Variants in DMD observed in about 807,000 individuals in gnomAD.
DMD encodes dystrophin, also known as mutant dystrophin.
DMD carries 63 observed loss-of-function variants against 330.1 expected under a neutral mutation model. That is an observed-to-expected ratio of 0.19 (90% CI 0.16 to 0.24). The LOEUF (loss-of-function observed/expected upper bound fraction) is 0.24, where lower values mean the gene tolerates loss of function less well. Ranked by LOEUF, DMD falls within the 10% of genes least tolerant of loss-of-function variation. The probability of loss-of-function intolerance (pLI) is 1.00; values close to 1 mark genes in which losing one functional copy is unlikely to be tolerated. For missense variants in DMD, 3,344 were observed against 2,684.1 expected (o/e 1.25, Z -5.43); for synonymous variants, 1,223 against 959.8 (o/e 1.27, Z -5.07).
intron 60 of DMD, among the ~76,000 whole-genome samples, chrX:31,357,422 C>T (rs1018187046): frequency 5.6e-5 from 6 of 107,339 alleles, no homozygotes; most frequent in African/African-American, 2.0e-4. Flanking sequence ...TTCATATTAA[C>T]GAATGACTGA....
At chrX:32,425,492 T>C (rs747775398) in intron 29 of DMD, among the ~76,000 whole-genome samples, 1 of 111,700 alleles carries the variant, frequency 9.0e-6, no homozygotes, top group South Asian at 3.7e-4. Context: ...TAAATTTTTA[T>C]TATCCTGAAA....
intron 23 of DMD, 72 bp from the exon 24 acceptor site, chrX:32,464,771 G>A (rs2098395741): frequency 6.6e-6 from 5 of 760,025 alleles, no homozygotes; most frequent in Non-Finnish European, 8.2e-6. Flanking sequence ...ATTGTGTTAT[G>A]TCTAAACACA....
chrX:32,844,717 A>G, intron 4 of DMD, 66 bp downstream of exon 4: 1 of 969,024 alleles, frequency 1.0e-6, no homozygotes, highest in African/African-American at 1.9e-5. Context: ...TTGGGGCCAA[A>G]GCCCTCACTC....
At chrX:32,086,417 T>C (rs754921758) in intron 44 of DMD, among the ~76,000 whole-genome samples, 1 of 112,251 alleles carries the variant, frequency 8.9e-6, no homozygotes, top group South Asian at 3.7e-4. Flanking sequence ...ACGCATATTA[T>C]CTTTAATTCA....
intron 52 of DMD, among the ~76,000 whole-genome samples, chrX:31,724,429 A>T (rs1367773427): frequency 1.8e-5 from 2 of 111,891 alleles, no homozygotes; most frequent in Non-Finnish European, 3.8e-5. Flanking sequence ...ACAGAAGAAC[A>T]TTCTCCCCTT....
chrX:32,702,703 A>G (rs914625970), intron 7 of DMD, among the ~76,000 whole-genome samples: 3 of 111,566 alleles, frequency 2.7e-5, no homozygotes, highest in African/African-American at 6.5e-5. Context: ...CCAGATATAA[A>G]GTGTTCAAGA....
intron 2 of DMD, among the ~76,000 whole-genome samples, chrX:32,901,498 A>G (rs1465431783): frequency 9.0e-6 from 1 of 111,261 alleles, no homozygotes; most frequent in Non-Finnish European, 1.9e-5. Context: ...CAGTTTTTTG[A>G]AACACAAATT....
chrX:31,542,542 G>A (rs1188789038), intron 55 of DMD, among the ~76,000 whole-genome samples: 1 of 111,946 alleles, frequency 8.9e-6, no homozygotes, highest in Non-Finnish European at 1.9e-5. Context: ...TTAATATACT[G>A]CTCAGAACTG....
intron 60 of DMD, among the ~76,000 whole-genome samples, chrX:31,365,130 A>G (rs2059164113): frequency 9.3e-6 from 1 of 107,179 alleles, no homozygotes; most frequent in Admixed American, 1.0e-4. Context: ...TAGATATTAG[A>G]TGCCACAAGG....
In DMD at chrX:32,526,603, T is replaced by G. The variant is rs1355077465; in HGVS notation, c.2169-8472A>C. Among the ~76,000 whole-genome samples the G allele has an allele frequency of 8.1e-5, 9 of 111,672 alleles. No individual in the cohort carries two copies. The East Asian group carries it at 2.2e-3, about 28-fold the overall frequency. Reference sequence around the variant, plus strand: ...CAGACTCAGCCTCATCCAGTTGAATTTCCCATAAAAATGATGTAAATTAGG... The same window carrying G: ...CAGACTCAGCCTCATCCAGTTGAATGTCCCATAAAAATGATGTAAATTAGG... On this transcript the variant is annotated intron_variant, in intron 17 of 78. Transcript: ENST00000357033.
intron 1 of DMD, among the ~76,000 whole-genome samples, chrX:33,312,057 T>C (rs2053857802): frequency 9.0e-6 from 1 of 110,607 alleles, no homozygotes; most frequent in Non-Finnish European, 1.9e-5. Flanking sequence ...ATGACATTTA[T>C]TTAAGAAACA....
At chrX:33,262,350 G>A (rs893859161) in intron 1 of DMD, among the ~76,000 whole-genome samples, 30 of 111,037 alleles carry the variant, frequency 2.7e-4, no homozygotes, top group African/African-American at 9.5e-4. Flanking sequence ...AATATTATAC[G>A]ACAATAAGAG....
At chrX:32,788,613 T>A in intron 7 of DMD, among the ~76,000 whole-genome samples, 1 of 111,980 alleles carries the variant, frequency 8.9e-6, no homozygotes, top group Non-Finnish European at 1.9e-5. Context: ...GCTCCAAAGT[T>A]CATTATGTCC....
At chrX:32,532,863 G>A (rs764933909) in intron 17 of DMD, among the ~76,000 whole-genome samples, 16 of 111,535 alleles carry the variant, frequency 1.4e-4, no homozygotes, top group African/African-American at 4.2e-4. Context: ...AAAATCAACA[G>A]CAAAATAGTC....
intron 2 of DMD, among the ~76,000 whole-genome samples, chrX:32,887,745 CAAAAAAAAAAA>C (rs771100080): frequency 0.012 from 79 of 6,489 alleles, 1 homozygote; most frequent in African/African-American, 0.03. Flanking sequence ...AAGACTGTCT[CAAAAAAAAAAA>C]AAAAAAAAAA....
chrX:32,442,783 T>G (rs1185391546), intron 27 of DMD, among the ~76,000 whole-genome samples: 2 of 110,957 alleles, frequency 1.8e-5, no homozygotes, highest in African/African-American at 6.5e-5. Flanking sequence ...TACCGTCATC[T>G]TTAAACAGAG....
intron 1 of DMD, among the ~76,000 whole-genome samples, chrX:33,139,768 C>T (rs2047694550): frequency 9.3e-6 from 1 of 107,921 alleles, no homozygotes; most frequent in Non-Finnish European, 1.9e-5. Context: ...TCCTGTACAG[C>T]CTATGGAACT....
chrX:31,948,927 A>C (rs2095123619), intron 45 of DMD, among the ~76,000 whole-genome samples: 1 of 111,196 alleles, frequency 9.0e-6, no homozygotes, highest in African/African-American at 3.3e-5. Flanking sequence ...TAGTAGATTT[A>C]AGAAAAAAAT....
chrX:31,836,767 G>T lies in DMD; in HGVS notation c.7151C>A (p.Ser2384Tyr), dbSNP rs185706283. The T allele has an allele frequency of 2.1e-4, 255 of 1,210,129 alleles. 1 individual carries two copies. In the East Asian group the frequency reaches 5.0e-3, roughly 24 times the overall value. ...AKQPDVEEIL[S>Y]KGQHLYKEKP... ...TTCCTTGTACAAATGCTGCCCTTTA[G>T]ACAAAATCTCTTCCACATCCGGTTG... Residue 2384 changes from serine to tyrosine, a missense_variant, in exon 49 of 79, where the codon TCT (serine) becomes TAT (tyrosine). Ser to Tyr is a moderately radical substitution (Grantham distance 144, BLOSUM62 -2). Coordinates refer to ENST00000357033, the MANE Select transcript of DMD (RefSeq NM_004006.3).
Sources: allele counts gnomAD v4.1 joint callset (sites outside exome capture counted in the v4.1 genomes callset), GRCh38; gene constraint gnomAD v4.1.1; transcripts MANE v1.5; gene names NCBI Gene and HGNC (gene_info 2026-07-23, HGNC 2026-07-21).